Variants in PAK6 observed in about 807,000 individuals in gnomAD.
PAK6 encodes serine/threonine-protein kinase PAK 6.
A neutral mutation model predicts 60.8 loss-of-function variants in PAK6; 33 were observed. The observed-to-expected ratio is 0.54, with a 90% CI of 0.41 to 0.73. The LOEUF (loss-of-function observed/expected upper bound fraction) is 0.73. PAK6 is among the 30% of genes least tolerant of loss of function. The probability of loss-of-function intolerance (pLI) is 0.00; values close to 1 mark genes in which losing one functional copy is unlikely to be tolerated. For synonymous variants in PAK6, 404 were observed against 378.5 expected (o/e 1.07, Z -0.78); for missense variants, 845 against 904.1 (o/e 0.93, Z 0.84).
intron 3 of PAK6, chr15:40,260,248 GT>G (rs1025626078): frequency 6.6e-6 from 1 of 152,074 alleles, no homozygotes; most frequent in African/African-American, 2.4e-5. Flanking sequence ...TCACATTGAG[GT>G]TTGTGATCTG....
At position 40,273,695 on chromosome 15, in the gene PAK6, C is replaced by A; in HGVS notation, c.1743+19C>A. 1 of 1,608,982 alleles carries A rather than the reference C, an allele frequency of 6.2e-7. No individual in the cohort carries two copies. Among genetic ancestry groups the A allele is most frequent in the Non-Finnish European group, 8.5e-7 (1 of 1,177,022 alleles). ...CACTGAGGTAACCGTTCCCTCCACCCCCCAGACCTCCCAAAAGCAACTTGG... is the reference window on the plus strand; with the variant it reads ...CACTGAGGTAACCGTTCCCTCCACCACCCAGACCTCCCAAAAGCAACTTGG... On this transcript the variant is annotated intron_variant, in intron 9 of 10. Coordinates refer to ENST00000560346, the Ensembl canonical transcript of PAK6.
intron 2 of PAK6, among the ~76,000 whole-genome samples, chr15:40,241,413 G>A (rs1048393410): frequency 4.6e-5 from 7 of 152,018 alleles, no homozygotes; most frequent in Admixed American, 2.0e-4. Flanking sequence ...CTTAGGAGCC[G>A]TGTGGCCCCC....
At chr15:40,242,407 G>A (rs562995443) in intron 2 of PAK6, among the ~76,000 whole-genome samples, 5 of 152,374 alleles carry the variant, frequency 3.3e-5, no homozygotes, top group South Asian at 2.1e-4. Context: ...AGATGCGCTC[G>A]TCGCCCTGAG....
chr15:40,265,844 A>G, exon 5 of PAK6: 1 of 1,518,118 alleles, frequency 6.6e-7, no homozygotes, highest in East Asian at 2.3e-5. Context: ...CCCTACAGAC[A>G]GTGGTGCGGG....
exon 6 of PAK6, chr15:40,272,426 C>T (rs749639508): frequency 6.2e-7 from 1 of 1,613,496 alleles, no homozygotes; most frequent in Non-Finnish European, 8.5e-7. Flanking sequence ...TCCCCCCGCA[C>T]CTGGCACGCC....
chr15:40,256,215 ACT>A (rs1275973971), intron 3 of PAK6, among the ~76,000 whole-genome samples: 1 of 151,980 alleles, frequency 6.6e-6, no homozygotes, highest in Non-Finnish European at 1.5e-5. Flanking sequence ...ACTGAGTGAG[ACT>A]CTGTCTCTAA....
chr15:40,253,295 T>C lies in PAK6; in HGVS notation c.-6+6T>C, dbSNP rs1350390724. On this transcript the variant is annotated splice_donor_region_variant and intron_variant, in intron 3 of 10. Transcript: ENST00000560346. ...GAGGCGGAAGGCGCCGGAAGGTGAGTGAGCGAGCGGCCCCCGGCCCTAGAG... is the reference window on the plus strand; with the variant it reads ...GAGGCGGAAGGCGCCGGAAGGTGAGCGAGCGAGCGGCCCCCGGCCCTAGAG... 4 of 454,996 alleles carry C rather than the reference T, an allele frequency of 8.8e-6. No homozygotes were observed. Among genetic ancestry groups the C allele is most frequent in the South Asian group, 6.2e-5 (4 of 64,512 alleles). 28.2% of individuals were successfully genotyped at this position (454,996 alleles called of 1,614,324 possible). A position where few individuals can be genotyped will look rare whatever the true frequency, so the allele number is the denominator to read the frequency against.
Position 40,248,734 on chromosome 15 carries a change from C to T in PAK6, c.-117-4444C>T, listed in dbSNP as rs191078413. Among the ~76,000 whole-genome samples, 152 of 146,310 alleles carry T rather than the reference C, an allele frequency of 1.0e-3. No homozygotes were observed. In the Middle Eastern group the frequency reaches 0.01, roughly 10 times the overall value. Reference sequence around the variant, plus strand: ...TAGGAAGGGACGGTCCTCCTACCCGCACCCCAGCCCTCTTGTGTCTCACGT... The same window carrying T: ...TAGGAAGGGACGGTCCTCCTACCCGTACCCCAGCCCTCTTGTGTCTCACGT... On this transcript the variant is annotated intron_variant, in intron 2 of 10. Transcript: ENST00000560346.
At chr15:40,249,352 T>A (rs1043206619) in intron 2 of PAK6, among the ~76,000 whole-genome samples, 1 of 152,216 alleles carries the variant, frequency 6.6e-6, no homozygotes, top group Non-Finnish European at 1.5e-5. Flanking sequence ...GCAGTAATTA[T>A]GAGACCTTCA....
At chr15:40,252,121 T>TG (rs1182181573) in intron 2 of PAK6, 3 of 422,540 alleles carry the variant, frequency 7.1e-6, no homozygotes. Flanking sequence ...CCTGTCCACA[T>TG]GGGACAGATC....
At chr15:40,249,297 G>A (rs1176691811) in intron 2 of PAK6, among the ~76,000 whole-genome samples, 3 of 147,002 alleles carry the variant, frequency 2.0e-5, no homozygotes, top group African/African-American at 8.2e-5. Context: ...GGGGACATAG[G>A]TTTCAACAGA....
chr15:40,264,441 A>C, intron 3 of PAK6: 1 of 484,710 alleles, frequency 2.1e-6, no homozygotes, highest in Non-Finnish European at 4.1e-6. Flanking sequence ...ATTCGTTGAC[A>C]GACAGTGGAA....
chr15:40,259,043 CTTCT>C (rs1324640183), intron 3 of PAK6: 2 of 147,238 alleles, frequency 1.4e-5, no homozygotes, highest in Middle Eastern at 3.3e-3. Flanking sequence ...GCTCACATCA[CTTCT>C]TTCAAGCTGG....
chr15:40,273,064 T>C (rs2039355525), intron 7 of PAK6, 65 bp downstream of exon 7: 3 of 1,576,760 alleles, frequency 1.9e-6, no homozygotes, highest in Non-Finnish European at 2.6e-6. Flanking sequence ...GCCAGGGCAA[T>C]GTGGTCTTCT....
At chr15:40,239,614 G>A (rs1311050518) in exon 1 of PAK6, 1 of 152,546 alleles carries the variant, frequency 6.6e-6, no homozygotes, top group Non-Finnish European at 1.5e-5. Context: ...AGATATGGTG[G>A]TCAGGCTGCC....
intron 3 of PAK6, chr15:40,260,234 C>G (rs1364839751): frequency 6.6e-6 from 1 of 152,152 alleles, no homozygotes; most frequent in African/African-American, 2.4e-5. Flanking sequence ...TATTATTTTA[C>G]CTTTCACATT....
exon 11 of PAK6, chr15:40,275,952 T>C: frequency 6.2e-7 from 1 of 1,613,290 alleles, no homozygotes; most frequent in East Asian, 2.2e-5. Context: ...CGAGACTTCC[T>C]GGAGCGGATG....
chr15:40,242,849 A>G (rs2140939175), intron 2 of PAK6, among the ~76,000 whole-genome samples: 1 of 152,304 alleles, frequency 6.6e-6, no homozygotes, highest in South Asian at 2.1e-4. Flanking sequence ...TCTGGCGCAC[A>G]GGCTGCCAAG....
chr15:40,240,195 A>G (rs1399974366), intron 1 of PAK6: 1 of 159,328 alleles, frequency 6.3e-6, no homozygotes, highest in African/African-American at 2.4e-5. Flanking sequence ...CCTGGGTACC[A>G]AGGAAACAGC....
Sources: allele counts gnomAD v4.1 joint callset (sites outside exome capture counted in the v4.1 genomes callset), GRCh38; gene constraint gnomAD v4.1.1; transcripts MANE v1.5; gene names NCBI Gene and HGNC (gene_info 2026-07-23, HGNC 2026-07-21).